Variants in MT1M observed in about 807,000 individuals in gnomAD.
MT1M encodes the protein metallothionein 1M.
Under a neutral mutation model 8.5 loss-of-function variants are expected in MT1M, and 11 were observed. That is an observed-to-expected ratio of 1.29 (90% CI 0.81 to 2.14). The LOEUF (loss-of-function observed/expected upper bound fraction) is 2.14. Among genes scored for constraint, MT1M ranks in the 30% most tolerant of loss-of-function variants. The probability of loss-of-function intolerance (pLI) is 0.00; values close to 1 mark genes in which losing one functional copy is unlikely to be tolerated. For missense variants in MT1M, 84 were observed against 76.6 expected (o/e 1.10, Z -0.36); for synonymous variants, 28 against 30.0 (o/e 0.93, Z 0.22).
At chr16:56,633,203 C>T in intron 1 of MT1M, 137 bp from the exon 2 acceptor site, 1 of 1,412,212 alleles carries the variant, frequency 7.1e-7, no homozygotes. Context: ...GTGGAGAGGA[C>T]AGGGGCTTTC....
rs1567343692 is a variant in MT1M, at chr16:56,632,698, T to A, written c.-34T>A. On this transcript the variant is annotated 5_prime_UTR_variant, in exon 1 of 3. Transcript: ENST00000379818. ...GTGGGCCTAGCAGTCGCTCCATTTATCGCTTGAGATCTCCAGCCTTACCGC... is the reference window on the plus strand; with the variant it reads ...GTGGGCCTAGCAGTCGCTCCATTTAACGCTTGAGATCTCCAGCCTTACCGC... The A allele has an allele frequency of 6.2e-7, 1 of 1,612,906 alleles. No individual in the cohort carries two copies. Among genetic ancestry groups the A allele is most frequent in the African/African-American group, 1.3e-5 (1 of 75,012 alleles).
Position 56,633,891 on chromosome 16 carries a change from C to A in MT1M, c.*49C>A, listed in dbSNP as rs370463372. ...ATGTTAATAGAACAAGCTGCACAAC[C>A]TGGATTTTTTTTCAATACGATACTG... On this transcript the variant is annotated 3_prime_UTR_variant, in exon 3 of 3. Transcript: ENST00000379818. 2.4e-5 allele frequency: 38 copies of A among 1,598,526 alleles called. No homozygotes were observed. The highest frequency in any genetic ancestry group is 4.0e-5 in the African/African-American group (3 of 74,472).
chr16:56,633,200 G>A lies in MT1M; in HGVS notation c.29-140G>A, dbSNP rs1183456482. 4 of 1,400,284 alleles carry A rather than the reference G, an allele frequency of 2.9e-6. No individual in the cohort carries two copies. In the Admixed American group the frequency reaches 7.2e-5, roughly 25 times the overall value. The allele number at this position is 1,400,284 out of a possible 1,614,324, so 86.7% of individuals were successfully genotyped here. On this transcript the variant is annotated intron_variant, in intron 1 of 2. Transcript: ENST00000379818. ...TTGCCCTTCCCAGCGTTAGTGGAGA[G>A]GACAGGGGCTTTCCCTGAGTGGGAA...
rs1266423593 is a variant in MT1M, at chr16:56,633,607, G to C, written c.95-144G>C. On this transcript the variant is annotated intron_variant, in intron 2 of 2. Transcript: ENST00000379818. ...TCTTGGGACACAAATCCCAACTGTA[G>C]CATCTATGGTTTCAGAACAGAGCTG... The C allele has an allele frequency of 1.9e-5, 31 of 1,600,002 alleles. 1 individual carries two copies. Among genetic ancestry groups the C allele is most frequent in the Admixed American group, 1.4e-4 (8 of 59,068 alleles).
intron 2 of MT1M, 130 bp from the exon 3 acceptor site, chr16:56,633,621 A>G: frequency 6.2e-7 from 1 of 1,600,830 alleles, no homozygotes; most frequent in Non-Finnish European, 8.5e-7. Flanking sequence ...CTATGGTTTC[A>G]GAACAGAGCT....
chr16:56,633,827 C>G lies in MT1M; in HGVS notation c.171C>G (p.Cys57Trp), dbSNP rs200147441. The G allele has an allele frequency of 9.3e-6, 15 of 1,614,106 alleles. No homozygotes were observed. The highest frequency in any genetic ancestry group is 1.2e-5 in the Non-Finnish European group (14 of 1,180,054). Residue 57 changes from cysteine to tryptophan, a missense_variant, in exon 3 of 3, where the codon TGC becomes TGG. Physicochemically the swap from Cys to Trp is radical, Grantham distance 215. Coordinates refer to ENST00000379818, the MANE Select transcript of MT1M (RefSeq NM_176870.3). ...TCTGCAAAGGGACGTTGGAGAACTG[C>G]AGCTGCTGTGCCTGATGTGGGAACA... ...GCVCKGTLEN[C>W]SCCA
At chr16:56,632,884 C>T (rs1960307418) in intron 1 of MT1M, 125 bp downstream of exon 1, 4 of 1,273,436 alleles carry the variant, frequency 3.1e-6, no homozygotes, top group Non-Finnish European at 3.4e-6. Flanking sequence ...TCCTTAGGTG[C>T]TTTCTTCCTG....
Position 56,632,786 on chromosome 16 carries a change from G to A in MT1M, c.28+27G>A, listed in dbSNP as rs779135991. 4 of 1,613,732 alleles carry A rather than the reference G, an allele frequency of 2.5e-6. No individual in the cohort carries two copies. The East Asian group carries it at 6.7e-5, about 27-fold the overall frequency. ...TAAGAGAAGCCGACCCTGCGCCCTA[G>A]GAATCCCATTTCCCAGCCCCAGTAC... On this transcript the variant is annotated intron_variant, in intron 1 of 2. Coordinates refer to ENST00000379818, the MANE Select transcript of MT1M (RefSeq NM_176870.3).
intron 2 of MT1M, 143 bp from the exon 3 acceptor site, chr16:56,633,608 C>G: frequency 6.3e-7 from 1 of 1,599,730 alleles, no homozygotes; most frequent in South Asian, 1.1e-5. Context: ...CCAACTGTAG[C>G]ATCTATGGTT....
rs771965534 is a variant in MT1M at position 56,633,390 on chromosome 16, A to G, written c.79A>G (p.Thr27Ala). 2.5e-6 allele frequency: 4 copies of G among 1,614,000 alleles called. No homozygotes were observed. The East Asian group carries it at 6.7e-5, about 27-fold the overall frequency. The change falls in exon 2 of 3, where the codon ACC becomes GCC. Residue 27 changes from threonine to alanine, a missense_variant. By Grantham distance (58) the Thr-to-Ala change is moderately conservative. Transcript: ENST00000379818. The stretch of plus-strand genomic sequence containing the variant: ...CTGCACGTGCAAAGAGTGCAAATGC[A>G]CCTCCTGCAAGAAGAGTGAGTGCGG... Reference protein sequence around the residue: ...GSCTCKECKCTSCKKSCCSCC... With the variant: ...GSCTCKECKCASCKKSCCSCC...
Position 56,633,738 on chromosome 16 carries a change from C to T in MT1M, c.95-13C>T, listed in dbSNP as rs750189777. ...CAAGTCTACTGCTACCTCTCTCTCCCCTTCTTCCCCAGGCTGCTGCTCCTG... is the reference window on the plus strand; with the variant it reads ...CAAGTCTACTGCTACCTCTCTCTCCTCTTCTTCCCCAGGCTGCTGCTCCTG... On this transcript the variant is annotated splice_polypyrimidine_tract_variant and intron_variant, in intron 2 of 2. Transcript: ENST00000379818. The T allele has an allele frequency of 4.3e-6, 7 of 1,613,964 alleles. No individual in the cohort carries two copies. The highest frequency in any genetic ancestry group is 4.2e-6 in the Non-Finnish European group (5 of 1,179,968).
In MT1M at chr16:56,633,410, G is replaced by A; in HGVS notation, c.94+5G>A. ...AATGCACCTCCTGCAAGAAGAGTGA[G>A]TGCGGGGCCATCTCCAGGAATCTGG... On this transcript the variant is annotated splice_donor_5th_base_variant and intron_variant, in intron 2 of 2. Coordinates refer to ENST00000379818, the MANE Select transcript of MT1M (RefSeq NM_176870.3). The A allele has an allele frequency of 6.2e-7, 1 of 1,614,232 alleles. No individual in the cohort carries two copies. The highest frequency in any genetic ancestry group is 8.5e-7 in the Non-Finnish European group (1 of 1,180,046).
intron 1 of MT1M, 88 bp downstream of exon 1, chr16:56,632,847 T>C (rs1960306982): frequency 1.2e-5 from 19 of 1,534,192 alleles, no homozygotes; most frequent in Non-Finnish European, 1.7e-5. Context: ...CGCATTTAAG[T>C]TCTGAGCGGA....
intron 2 of MT1M, 159 bp downstream of exon 2, chr16:56,633,564 G>A (rs1371387265): frequency 6.3e-7 from 1 of 1,592,346 alleles, no homozygotes; most frequent in Non-Finnish European, 8.6e-7. Flanking sequence ...ATTCAGATGG[G>A]GCAGGACAGC....
Position 56,633,394 on chromosome 16 carries a change from C to A in MT1M, c.83C>A (p.Ser28Tyr). The change falls in exon 2 of 3, where the codon TCC (serine) becomes TAC (tyrosine). Residue 28 changes from serine to tyrosine, a missense_variant. Transcript: ENST00000379818. ...ACGTGCAAAGAGTGCAAATGCACCTCCTGCAAGAAGAGTGAGTGCGGGGCC... is the reference window on the plus strand; with the variant it reads ...ACGTGCAAAGAGTGCAAATGCACCTACTGCAAGAAGAGTGAGTGCGGGGCC... ...SCTCKECKCT[S>Y]CKKSCCSCCP... 6.2e-7 allele frequency: 1 copy of A among 1,614,234 alleles called. No homozygotes were observed. Among genetic ancestry groups the A allele is most frequent in the Non-Finnish European group, 8.5e-7 (1 of 1,180,042 alleles).
In MT1M at chr16:56,633,732, C is replaced by G. The variant is rs751508647; in HGVS notation, c.95-19C>G. ...CCCGGTCAAGTCTACTGCTACCTCT[C>G]TCTCCCCTTCTTCCCCAGGCTGCTG... On this transcript the variant is annotated intron_variant, in intron 2 of 2. Transcript: ENST00000379818. 14 of 1,613,950 alleles carry G rather than the reference C, an allele frequency of 8.7e-6. No homozygotes were observed. Among genetic ancestry groups the G allele is most frequent in the Non-Finnish European group, 1.1e-5 (13 of 1,179,852 alleles).
rs1310727935 is a variant in MT1M at position 56,633,792 on chromosome 16, C to T, written c.136C>T (p.His46Tyr). ...CCCCGTGGGCTGTGCCAAGTGTGCC[C>T]ACGGCTGTGTCTGCAAAGGGACGTT... ...CCPVGCAKCAHGCVCKGTLEN... is the reference protein window; with the variant it reads ...CCPVGCAKCAYGCVCKGTLEN... The change falls in exon 3 of 3, where the codon CAC (histidine) becomes TAC (tyrosine). Residue 46 changes from histidine (H) to tyrosine (Y), a missense_variant. Physicochemically the swap from His to Tyr is moderately conservative, Grantham distance 83. Transcript: ENST00000379818. 2 of 1,614,074 alleles carry T rather than the reference C, an allele frequency of 1.2e-6. No homozygotes were observed. Among genetic ancestry groups the T allele is most frequent in the Middle Eastern group, 1.6e-4 (1 of 6,084 alleles).
At chr16:56,633,476 G>C in intron 2 of MT1M, 71 bp downstream of exon 2, 2 of 1,614,098 alleles carry the variant, frequency 1.2e-6, no homozygotes, top group African/African-American at 2.7e-5. Flanking sequence ...GGCTGGCCCT[G>C]AGTGCATCCT....
At chr16:56,633,131 G>T (rs1461016657) in intron 1 of MT1M, among the ~76,000 whole-genome samples, 2 of 152,204 alleles carry the variant, frequency 1.3e-5, no homozygotes, top group African/African-American at 4.8e-5. Context: ...CCTGGGTTGG[G>T]TGTGCCCCTG....
Sources: gnomAD v4.1 joint callset for allele counts (sites outside exome capture counted in the v4.1 genomes callset) on GRCh38, gnomAD v4.1.1 for gene constraint, MANE v1.5 for transcripts, NCBI Gene and HGNC (gene_info 2026-07-23, HGNC 2026-07-21) for gene names.